Variants in SDK1 observed in about 807,000 individuals in gnomAD.
The protein encoded by SDK1 is protein sidekick-1.
Under a neutral mutation model 245.5 loss-of-function variants are expected in SDK1, and 157 were observed. The observed-to-expected ratio is 0.64, with a 90% confidence interval of 0.56 to 0.73. The LOEUF (loss-of-function observed/expected upper bound fraction) is 0.73. SDK1 is among the 30% of genes least tolerant of loss of function. SDK1 has a pLI of 0.00. For synonymous variants in SDK1, 1,647 were observed against 1,278.5 expected (o/e 1.29, Z -6.15); for missense variants, 3,583 against 3,002.3 (o/e 1.19, Z -4.52).
chr7:3,854,614 T>G (rs1332631072), intron 5 of SDK1, among the ~76,000 whole-genome samples: 1 of 152,140 alleles, frequency 6.6e-6, no homozygotes, highest in Non-Finnish European at 1.5e-5. Context: ...AATTTTAGAG[T>G]CACATAACTA....
intron 1 of SDK1, among the ~76,000 whole-genome samples, chr7:3,542,902 G>C (rs961191824): frequency 6.6e-6 from 1 of 152,154 alleles, no homozygotes; most frequent in African/African-American, 2.4e-5. Context: ...TTCCCAAAAG[G>C]GGAGACTAGG....
chr7:3,569,974 C>T (rs1780054782), intron 1 of SDK1, among the ~76,000 whole-genome samples: 2 of 152,094 alleles, frequency 1.3e-5, no homozygotes, highest in African/African-American at 4.8e-5. Context: ...CTCACTTTGG[C>T]CTTAGGACCA....
Position 3,945,507 on chromosome 7 carries a change from A to G in SDK1, c.848-5416A>G, listed in dbSNP as rs374610580. On this transcript the variant is annotated intron_variant, in intron 5 of 44. Coordinates refer to ENST00000404826, the MANE Select transcript of SDK1 (RefSeq NM_152744.4). ...AATGTATTTCACCCATGAAACAAGA[A>G]CAGGATGCAATGAAAAATGAACAGA... 6.6e-5 allele frequency among the ~76,000 whole-genome samples: 10 copies of G among 152,330 alleles called. No homozygotes were observed. In the East Asian group the frequency reaches 9.6e-4, roughly 15 times the overall value.
chr7:3,520,717 G>T (rs1341350758), intron 1 of SDK1, among the ~76,000 whole-genome samples: 1 of 152,144 alleles, frequency 6.6e-6, no homozygotes, highest in Non-Finnish European at 1.5e-5. Context: ...CTGTTCAAGA[G>T]GGTATGTCGA....
At chr7:3,712,313 A>G (rs964711426) in intron 4 of SDK1, among the ~76,000 whole-genome samples, 4 of 152,286 alleles carry the variant, frequency 2.6e-5, no homozygotes, top group South Asian at 2.1e-4. Flanking sequence ...GTTGCACGCT[A>G]CTTATGAGAA....
At chr7:3,583,699 G>A (rs925147012) in intron 1 of SDK1, among the ~76,000 whole-genome samples, 1 of 152,132 alleles carries the variant, frequency 6.6e-6, no homozygotes, top group Admixed American at 6.5e-5. Flanking sequence ...AGGAGTCCCA[G>A]GTGCCCCCTG....
chr7:3,666,436 C>T (rs1412748325), intron 4 of SDK1, among the ~76,000 whole-genome samples: 3 of 152,208 alleles, frequency 2.0e-5, no homozygotes, highest in South Asian at 2.1e-4. Flanking sequence ...CATTTCAGAT[C>T]TCATCACTTT....
chr7:3,510,093 G>C (rs921242904), intron 1 of SDK1, among the ~76,000 whole-genome samples: 1 of 152,182 alleles, frequency 6.6e-6, no homozygotes, highest in Non-Finnish European at 1.5e-5. Flanking sequence ...TGTTCCTCCA[G>C]TGTTTCCTAA....
intron 7 of SDK1, among the ~76,000 whole-genome samples, chr7:3,957,252 A>G (rs533789021): frequency 6.6e-6 from 1 of 152,216 alleles, no homozygotes. Flanking sequence ...ATAATGTTGC[A>G]TGGGACGTGC....
Position 3,371,688 on chromosome 7 carries a change from A to G in SDK1, c.298+69804A>G, listed in dbSNP as rs1781232430. On this transcript the variant is annotated intron_variant, in intron 1 of 44. Coordinates refer to ENST00000404826, the MANE Select transcript of SDK1 (RefSeq NM_152744.4). The stretch of plus-strand genomic sequence containing the variant: ...CTTGGACACTCTCAGGATGCAGAGG[A>G]GAAAAAGATAAAAGTGGGTAAATAC... Among the ~76,000 whole-genome samples, 8 of 152,346 alleles carry G rather than the reference A, an allele frequency of 5.3e-5. 1 individual carries two copies. The South Asian group carries it at 1.4e-3, about 28-fold the overall frequency.
intron 32 of SDK1, among the ~76,000 whole-genome samples, chr7:4,163,753 G>A (rs139492222): frequency 9.9e-5 from 15 of 152,278 alleles, no homozygotes; most frequent in East Asian, 3.9e-4. Flanking sequence ...AGAGGAACCC[G>A]GTGAGCAGAG....
At chr7:3,668,877 C>CTGAAAGAGTCACAAAGGCCTGCCCAGGT (rs1452779624) in intron 4 of SDK1, among the ~76,000 whole-genome samples, 2 of 152,164 alleles carry the variant, frequency 1.3e-5, no homozygotes, top group African/African-American at 2.4e-5. Context: ...GTGTCACTAG[C>CTGAAAGAGTCACAAAGGCCTGCCCAGGT]TGAAAGAGTC....
chr7:3,829,800 C>A (rs982567451), intron 5 of SDK1, among the ~76,000 whole-genome samples: 2 of 152,170 alleles, frequency 1.3e-5, no homozygotes, highest in African/African-American at 4.8e-5. Flanking sequence ...AAACCACTCC[C>A]GATCAACATT....
At position 3,767,282 on chromosome 7, in the gene SDK1, G is replaced by C. The variant is rs749954306; in HGVS notation, c.714-54168G>C. ...CTTGGACTCTGGGACTGCCTTTGGT[G>C]AGTTGACCCAGGGACTAAGGGGAGA... On this transcript the variant is annotated intron_variant, in intron 4 of 44. Coordinates refer to ENST00000404826, the MANE Select transcript of SDK1 (RefSeq NM_152744.4). Among the ~76,000 whole-genome samples the C allele has an allele frequency of 3.6e-4, 55 of 152,220 alleles. 1 individual carries two copies. Among genetic ancestry groups the C allele is most frequent in the Middle Eastern group, 6.8e-3 (2 of 294 alleles).
Position 4,077,117 on chromosome 7 carries a change from G to A in SDK1, c.3130G>A (p.Asp1044Asn), listed in dbSNP as rs774553808. 1.1e-5 allele frequency: 17 copies of A among 1,614,202 alleles called. No homozygotes were observed. Among genetic ancestry groups the A allele is most frequent in the South Asian group, 3.3e-5 (3 of 91,078 alleles). Residue 1044 changes from aspartate to asparagine, a missense_variant, in exon 21 of 45, where the codon GAC (aspartate) becomes AAC (asparagine). Physicochemically the swap from Asp to Asn is conservative, Grantham distance 23 (BLOSUM62 1). Coordinates refer to ENST00000404826, the MANE Select transcript of SDK1 (RefSeq NM_152744.4). ...GLSSLTTYTI[D>N]VAAVTAVGTG... ...CTCATCTCTCACCACCTACACCATC[G>A]ACGTGGCCGCTGTGACTGCCGTGGG...
chr7:4,166,572 T>C (rs1022389427), intron 32 of SDK1, among the ~76,000 whole-genome samples: 1 of 152,212 alleles, frequency 6.6e-6, no homozygotes, highest in African/African-American at 2.4e-5. Flanking sequence ...GTATTGCGTG[T>C]TGAGCCTCCT....
chr7:4,008,974 C>G (rs1785716277), intron 14 of SDK1, among the ~76,000 whole-genome samples: 1 of 152,254 alleles, frequency 6.6e-6, no homozygotes, highest in Admixed American at 6.5e-5. Context: ...AGCCACCATA[C>G]TGTTGTCTGT....
At chr7:3,479,791 G>A (rs1043569513) in intron 1 of SDK1, among the ~76,000 whole-genome samples, 4 of 151,846 alleles carry the variant, frequency 2.6e-5, no homozygotes, top group Non-Finnish European at 2.9e-5. Context: ...GAAACTGGGA[G>A]GCAGAGGTTG....
chr7:4,026,850 G>C lies in SDK1; in HGVS notation c.2602+9498G>C, dbSNP rs1787389609. On this transcript the variant is annotated intron_variant, in intron 17 of 44. Transcript: ENST00000404826. The surrounding 1 kb of genome is among the most constrained non-coding windows in gnomAD (Gnocchi z 4.1). ...AAACGGCAATATGTACACCCACCCA[G>C]CGGTGTGCGGCCGGTGACTCTACCA... Among the ~76,000 whole-genome samples, 1 of 152,192 alleles carries C rather than the reference G, an allele frequency of 6.6e-6. No homozygotes were observed. The highest frequency in any genetic ancestry group is 6.5e-5 in the Admixed American group (1 of 15,276).
Sources: allele counts gnomAD v4.1 joint callset (sites outside exome capture counted in the v4.1 genomes callset), GRCh38; gene constraint gnomAD v4.1.1; non-coding constraint Gnocchi (gnomAD v3.1); transcripts MANE v1.5; gene names NCBI Gene and HGNC (gene_info 2026-07-23, HGNC 2026-07-21).